PDE6B: variants seen among roughly 807,000 people sequenced by gnomAD.
PDE6B encodes the protein rod cGMP-specific 3',5'-cyclic phosphodiesterase subunit beta.
A neutral mutation model predicts 109.0 loss-of-function variants in PDE6B; 106 were observed. The observed-to-expected ratio is 0.97, with a 90% CI of 0.83 to 1.14. The LOEUF (loss-of-function observed/expected upper bound fraction) is 1.14. Ranked by LOEUF, PDE6B falls within the 50% of genes most tolerant of loss-of-function variation. The pLI is 0.00. For synonymous variants in PDE6B, 490 were observed against 471.3 expected, an observed-to-expected ratio of 1.04 and a Z score of -0.51; for missense variants, 1,193 against 1,155.6, an observed-to-expected ratio of 1.03 and a Z score of -0.47.
In PDE6B at chr4:656,232, G is replaced by A. The variant is rs147482093; in HGVS notation, c.1060-13G>A. The A allele has an allele frequency of 4.4e-3, 6,947 of 1,584,346 alleles. 22 individuals are homozygous for A. Among genetic ancestry groups the A allele is most frequent in the Non-Finnish European group, 5.2e-3 (5,946 of 1,153,036 alleles). On this transcript the variant is annotated splice_polypyrimidine_tract_variant and intron_variant, in intron 7 of 21. Transcript: ENST00000496514. ...CTGTTTTGGATGAAATCGTTTTTCT[G>A]ATGCTTTTTCAGATTTGTAACATCA... is the stretch of plus-strand genomic sequence containing the variant.
intron 1 of PDE6B, among the ~76,000 whole-genome samples, chr4:631,257 G>A (rs549359560): frequency 7.9e-5 from 12 of 152,354 alleles, no homozygotes; most frequent in East Asian, 5.8e-4. Flanking sequence ...CTGTGAAAAC[G>A]TGTGGGGCAG....
At position 665,365 on chromosome 4, in the gene PDE6B, C is replaced by A; in HGVS notation, c.2268+36C>A. The A allele has an allele frequency of 2.0e-6, 3 of 1,476,560 alleles. No individual in the cohort carries two copies. Among genetic ancestry groups the A allele is most frequent in the South Asian group, 1.1e-5 (1 of 87,784 alleles). The allele number at this position is 1,476,560 out of a possible 1,614,324, so 91.5% of individuals were successfully genotyped here. ...CTTCTGGAACCTTCCACTCCTGAAA[C>A]GGGTGTTAGAGACCCCTCTTGGTCC... On this transcript the variant is annotated intron_variant, in intron 19 of 21. Transcript: ENST00000496514. The surrounding 1 kb of genome is among the most constrained non-coding windows in gnomAD (Gnocchi z 4.0).
chr4:657,300 A>AG (rs745973748), intron 9 of PDE6B, 51 bp from the exon 10 acceptor site: 1 of 1,606,736 alleles, frequency 6.2e-7, no homozygotes, highest in Admixed American at 1.7e-5. Flanking sequence ...GGCACATGGG[A>AG]GGGGGCGCGC....
rs752892692 is a variant in PDE6B at position 653,984 on chromosome 4, A to G, written c.844A>G (p.Lys282Glu). ...CTCCGTGGGCCTCCTGGACATGACC[A>G]AGGAGAAGGTGAGGCTTCCGTGGCT... ...RYSVGLLDMT[K>E]EKEFFDVWSV... is the part of the protein sequence containing the mutation. The change falls in exon 4 of 22, where the codon AAG (lysine) becomes GAG (glutamate). Residue 282 changes from lysine (K) to glutamate (E), a missense_variant. Lys to Glu is a moderately conservative substitution (Grantham distance 56). Transcript: ENST00000496514. The G allele has an allele frequency of 1.2e-6, 2 of 1,613,792 alleles. No homozygotes were observed. The highest frequency in any genetic ancestry group is 2.2e-5 in the East Asian group (1 of 44,882).
chr4:650,233 C>T (rs1428212037), intron 3 of PDE6B, among the ~76,000 whole-genome samples: 1 of 152,212 alleles, frequency 6.6e-6, no homozygotes. Context: ...GTAGGTCCCA[C>T]CCAGCACTGG....
Position 664,171 on chromosome 4 carries a change from G to C in PDE6B, c.2079G>C (p.Lys693Asn), listed in dbSNP as rs528393303. The part of the protein sequence containing the change: ...VDESKNYQDK[K>N]SWVEYLSLET... ...AGTCCAAGAACTACCAGGACAAGAA[G>C]AGCTGGGTGGAGTACCTGTCCCTGG... is the stretch of plus-strand genomic sequence containing the variant. Residue 693 changes from lysine to asparagine, a missense_variant, in exon 17 of 22, where the codon AAG becomes AAC. By Grantham distance (94) the Lys-to-Asn change is moderately conservative. Coordinates refer to ENST00000496514, the MANE Select transcript of PDE6B (RefSeq NM_000283.4). The C allele has an allele frequency of 1.2e-5, 19 of 1,612,354 alleles. No individual in the cohort carries two copies. The African/African-American group carries it at 2.4e-4, about 20-fold the overall frequency.
At position 655,999 on chromosome 4, in the gene PDE6B, G is replaced by A. The variant is rs1427985854; in HGVS notation, c.1052G>A (p.Ser351Asn). Residue 351 changes from serine to asparagine, a missense_variant, in exon 7 of 22, where the codon AGC (serine) becomes AAC (asparagine). Physicochemically the swap from Ser to Asn is conservative, Grantham distance 46. Coordinates refer to ENST00000496514, the MANE Select transcript of PDE6B (RefSeq NM_000283.4). ...ASGLPSYVAE[S>N]GFICNIMNAS... ...GGCCTTCCAAGCTACGTGGCAGAAA[G>A]CGGCTTTGTGAGTCCCGTGCTGTCT... 1.2e-6 allele frequency: 2 copies of A among 1,600,906 alleles called. No homozygotes were observed. The highest frequency in any genetic ancestry group is 1.7e-6 in the Non-Finnish European group (2 of 1,168,332).
Position 657,351 on chromosome 4 carries a change from T to A in PDE6B, c.1258T>A (p.Ser420Thr). ...CCAGTGACACTGCCATCCCCTCCAG[T>A]CCCTGACACAGTTCCTGGGCTGGTC... ...FDEQDEVLME[S>T]LTQFLGWSVM... Residue 420 changes from serine (S) to threonine (T), a missense_variant and splice_region_variant, in exon 10 of 22, where the codon TCC (serine) becomes ACC (threonine). Coordinates refer to ENST00000496514, the MANE Select transcript of PDE6B (RefSeq NM_000283.4). The A allele has an allele frequency of 6.2e-7, 1 of 1,612,888 alleles. No homozygotes were observed. Among genetic ancestry groups the A allele is most frequent in the East Asian group, 2.2e-5 (1 of 44,866 alleles).
intron 3 of PDE6B, among the ~76,000 whole-genome samples, chr4:645,793 T>A (rs1735173293): frequency 6.6e-6 from 1 of 151,986 alleles, no homozygotes; most frequent in African/African-American, 2.4e-5. Flanking sequence ...TTCCAAAAAA[T>A]TTTAGCATTT....
intron 3 of PDE6B, among the ~76,000 whole-genome samples, chr4:651,161 G>A (rs937236035): frequency 2.0e-5 from 3 of 149,982 alleles, no homozygotes; most frequent in Non-Finnish European, 3.0e-5. Flanking sequence ...GGGCTGAGGC[G>A]CCGATGTCAA....
At chr4:651,832 A>G (rs1267349004) in intron 3 of PDE6B, 1 of 153,042 alleles carries the variant, frequency 6.5e-6, no homozygotes, top group African/African-American at 2.4e-5. Flanking sequence ...TTCTGGACCC[A>G]CTAACTCCAG....
Position 665,787 on chromosome 4 carries a change from TG to T in PDE6B, c.2268+461del, listed in dbSNP as rs1460171369. Among the ~76,000 whole-genome samples, 5 of 151,632 alleles carry T rather than the reference TG, an allele frequency of 3.3e-5. No homozygotes were observed. Among genetic ancestry groups the T allele is most frequent in the Admixed American group, 2.0e-4 (3 of 15,226 alleles). ...TGGCAGCAGGAGAGGTGCCAGCAAA[TG>T]GGAGAGTCAGGATAGGCGCCAGGAA... On this transcript the variant is annotated intron_variant, in intron 19 of 21. Transcript: ENST00000496514. This position sits in a 1 kb window ranked among gnomAD's most constrained non-coding sequence, Gnocchi z 4.0.
rs374848046 is a variant in PDE6B, at chr4:669,991, A to G, written c.2504-55A>G. 78 of 1,430,952 alleles carry G rather than the reference A, an allele frequency of 5.5e-5. No individual in the cohort carries two copies. The African/African-American group carries it at 8.5e-4, about 16-fold the overall frequency. 88.6% of individuals were successfully genotyped at this position (1,430,952 alleles called of 1,614,324 possible). A position where few individuals can be genotyped will look rare whatever the true frequency, so the allele number is the denominator to read the frequency against. ...GGTCACACCAGGCAGGAGGGAAGGA[A>G]TAGGGCTGGTGTGCACAGGTGGTTC... On this transcript the variant is annotated intron_variant, in intron 21 of 21. Coordinates refer to ENST00000496514, the MANE Select transcript of PDE6B (RefSeq NM_000283.4).
At chr4:656,673 G>T (rs970269543) in intron 8 of PDE6B, among the ~76,000 whole-genome samples, 22 of 152,210 alleles carry the variant, frequency 1.4e-4, no homozygotes, top group African/African-American at 4.6e-4. Context: ...TCCTCCGGTG[G>T]GAAAATATCA....
chr4:670,253 T>G lies in PDE6B; in HGVS notation c.*146T>G, dbSNP rs1196100853. The G allele has an allele frequency of 7.4e-7, 1 of 1,352,456 alleles. No individual in the cohort carries two copies. Among genetic ancestry groups the G allele is most frequent in the East Asian group, 2.6e-5 (1 of 38,478 alleles). The allele number at this position is 1,352,456 out of a possible 1,614,324, so 83.8% of individuals were successfully genotyped here. A position where few individuals can be genotyped will look rare whatever the true frequency, so the allele number is the denominator to read the frequency against. On this transcript the variant is annotated 3_prime_UTR_variant, in exon 22 of 22. Coordinates refer to ENST00000496514, the MANE Select transcript of PDE6B (RefSeq NM_000283.4). ...TGGATATTTTAATTTTTTTTTTTTT[T>G]TTTTTTTGAGATGGAGTCTTGCTCT...
intron 6 of PDE6B, chr4:655,582 G>A (rs1736119812): frequency 5.0e-6 from 2 of 402,358 alleles, no homozygotes; most frequent in Admixed American, 3.8e-5. Context: ...CTGGGGAGGA[G>A]GAAGAAGGCA....
At chr4:654,943 C>T in intron 6 of PDE6B, 55 bp downstream of exon 6, 2 of 995,544 alleles carry the variant, frequency 2.0e-6, no homozygotes, top group Non-Finnish European at 3.2e-6. Flanking sequence ...CCCCTCAGAC[C>T]CCGGCTCAGC....
Position 670,044 on chromosome 4 carries a change from A to G in PDE6B, c.2504-2A>G, listed in dbSNP as rs372332852. On this transcript the variant is annotated splice_acceptor_variant, in intron 21 of 21. Transcript: ENST00000496514. LOFTEE classifies it high-confidence loss of function. ...CTCACCATCTTCTGTCTTCTCTTGC[A>G]GTAGGCACAGAAATTTGCAATGGCG... 5 of 1,612,168 alleles carry G rather than the reference A, an allele frequency of 3.1e-6. No individual in the cohort carries two copies. The highest frequency in any genetic ancestry group is 4.2e-6 in the Non-Finnish European group (5 of 1,178,882).
intron 1 of PDE6B, among the ~76,000 whole-genome samples, chr4:629,203 C>T (rs1161219562): frequency 2.0e-5 from 3 of 152,196 alleles, no homozygotes; most frequent in African/African-American, 7.2e-5. Flanking sequence ...GCGAGTGGGC[C>T]TGTGAGGTGG....
Sources: gnomAD v4.1 joint callset for allele counts (sites outside exome capture counted in the v4.1 genomes callset) on GRCh38, gnomAD v4.1.1 for gene constraint, Gnocchi (gnomAD v3.1) non-coding constraint, MANE v1.5 for transcripts, NCBI Gene and HGNC (gene_info 2026-07-23, HGNC 2026-07-21) for gene names.